TINAG: variants seen among roughly 807,000 people sequenced by gnomAD.
The protein encoded by TINAG is tubulointerstitial nephritis antigen.
TINAG carries 83 observed loss-of-function variants against 72.7 expected under a neutral mutation model. The ratio of observed to expected loss-of-function variants is 1.14; its 90% CI spans 0.96 to 1.37. The LOEUF (loss-of-function observed/expected upper bound fraction) is 1.37. TINAG is among the 40% of genes most tolerant of loss of function. The pLI, the probability that TINAG is intolerant of heterozygous loss-of-function variation, is 0.00. For missense variants in TINAG, 685 were observed against 576.6 expected (o/e 1.19, Z -1.93); for synonymous variants, 234 against 189.9 (o/e 1.23, Z -1.91).
chr6:54,315,701 T>A (rs374123286), intron 1 of TINAG, among the ~76,000 whole-genome samples: 1 of 135,144 alleles, frequency 7.4e-6, no homozygotes, highest in African/African-American at 2.7e-5. Flanking sequence ...AGTAAAAAAA[T>A]TCAAATGTCA....
rs765143339 is a variant in TINAG, at chr6:54,347,421, T to A, written c.803T>A (p.Leu268Gln). 1 of 1,613,326 alleles carries A rather than the reference T, an allele frequency of 6.2e-7. No individual in the cohort carries two copies. The highest frequency in any genetic ancestry group is 8.5e-7 in the Non-Finnish European group (1 of 1,179,586). Residue 268 changes from leucine (L) to glutamine (Q), a missense_variant, in exon 6 of 11, where the codon CTA becomes CAA. Leu to Gln is a moderately radical substitution (Grantham distance 113, BLOSUM62 -2). Transcript: ENST00000259782. ...TCTAAGGGTCGATACACGGCCAATC[T>A]ATCCCCTCAGAATTTGATCTCTTGC... is the stretch of plus-strand genomic sequence containing the variant. ...IQSKGRYTAN[L>Q]SPQNLISCCA...
At chr6:54,318,785 C>A (rs764485701) in intron 1 of TINAG, among the ~76,000 whole-genome samples, 1 of 152,024 alleles carries the variant, frequency 6.6e-6, no homozygotes, top group Non-Finnish European at 1.5e-5. Context: ...GAGTGGACTG[C>A]GTCTGGGTAT....
At chr6:54,349,244 A>C (rs1035275335) in intron 6 of TINAG, among the ~76,000 whole-genome samples, 5 of 151,942 alleles carry the variant, frequency 3.3e-5, no homozygotes, top group Non-Finnish European at 7.4e-5. Context: ...AAAAATATAC[A>C]AACACAAAAA....
intron 9 of TINAG, among the ~76,000 whole-genome samples, chr6:54,380,226 A>G (rs1369572734): frequency 6.6e-6 from 1 of 150,920 alleles, no homozygotes; most frequent in South Asian, 2.1e-4. Context: ...AGTATTTTTT[A>G]AGTCCTTTTA....
chr6:54,386,617 C>G (rs992013329), intron 10 of TINAG, among the ~76,000 whole-genome samples: 51 of 151,882 alleles, frequency 3.4e-4, no homozygotes, highest in African/African-American at 1.2e-3. Flanking sequence ...TTAGGAAAAA[C>G]AAAATTTCTG....
chr6:54,379,781 C>CT (rs966072367), intron 9 of TINAG, among the ~76,000 whole-genome samples: 7 of 150,082 alleles, frequency 4.7e-5, no homozygotes, highest in South Asian at 2.1e-4. Context: ...TTTTATTTTT[C>CT]TTTTTTTTTA....
In TINAG at chr6:54,349,873, CCT is replaced by C. The variant is rs766072601; in HGVS notation, c.1059_1060del (p.Pro354IlefsTer9). 5.0e-6 allele frequency: 8 copies of C among 1,598,646 alleles called. No homozygotes were observed. Among genetic ancestry groups the C allele is most frequent in the Non-Finnish European group, 6.8e-6 (8 of 1,170,892 alleles). On this transcript the variant is annotated frameshift_variant, in exon 7 of 11. Transcript: ENST00000259782. LOFTEE classifies it high-confidence loss of function. ...EKSNRIYQCSPPYRVSSNETE... is the reference protein window; with the variant it reads ...EKSNRIYQCSXPYRVSSNETE... ...ATCTAACAGGATCTATCAATGTTCT[CCT>C]CCATACAGAGTCTCTTCCAACGTAA...
chr6:54,383,500 A>G (rs951911299), intron 10 of TINAG, among the ~76,000 whole-genome samples: 1 of 152,060 alleles, frequency 6.6e-6, no homozygotes. Flanking sequence ...AAAAAATGAG[A>G]GTGCTAAATC....
chr6:54,354,176 G>T (rs1163635342), intron 8 of TINAG, among the ~76,000 whole-genome samples: 2 of 151,882 alleles, frequency 1.3e-5, no homozygotes, highest in Admixed American at 6.6e-5. Flanking sequence ...AAAGCACAAG[G>T]TTAGTGGAGA....
At position 54,382,648 on chromosome 6, in the gene TINAG, G is replaced by A. The variant is rs563845698; in HGVS notation, c.1296+2077G>A. Among the ~76,000 whole-genome samples the A allele has an allele frequency of 9.2e-5, 14 of 152,168 alleles. No individual in the cohort carries two copies. The South Asian group carries it at 2.9e-3, about 32-fold the overall frequency. On this transcript the variant is annotated intron_variant, in intron 10 of 10. Transcript: ENST00000259782. ...ACAACACCTGGGTCAGAAGTAAGGAGTTCTTAACAGATACTCATAAATAGA... is the reference window on the plus strand; with the variant it reads ...ACAACACCTGGGTCAGAAGTAAGGAATTCTTAACAGATACTCATAAATAGA...
chr6:54,324,498 G>T (rs1784561736), intron 3 of TINAG, among the ~76,000 whole-genome samples: 1 of 152,196 alleles, frequency 6.6e-6, no homozygotes, highest in Admixed American at 6.5e-5. Flanking sequence ...ATTGGGTAAA[G>T]CAAGTTACTA....
At chr6:54,347,555 T>A (rs1785155750) in intron 6 of TINAG, 38 bp downstream of exon 6, 2 of 1,606,246 alleles carry the variant, frequency 1.2e-6, no homozygotes, top group Non-Finnish European at 1.7e-6. Context: ...AGGATTTTTA[T>A]GAATGATGCA....
At chr6:54,352,133 T>C (rs1464068468) in intron 8 of TINAG, among the ~76,000 whole-genome samples, 4 of 151,842 alleles carry the variant, frequency 2.6e-5, no homozygotes, top group African/African-American at 9.7e-5. Context: ...CAATGAGGTC[T>C]AAAATGAAAA....
Position 54,332,184 on chromosome 6 carries a change from A to T in TINAG, c.624+5268A>T, listed in dbSNP as rs142420462. ...AGACAATCCTAAGCCAAAAGAACAAAGATGGAGGCATCATGCTACCTGACT... is the reference window on the plus strand; with the variant it reads ...AGACAATCCTAAGCCAAAAGAACAATGATGGAGGCATCATGCTACCTGACT... On this transcript the variant is annotated intron_variant, in intron 4 of 10. Coordinates refer to ENST00000259782, the MANE Select transcript of TINAG (RefSeq NM_014464.4). Among the ~76,000 whole-genome samples, 379 of 152,292 alleles carry T rather than the reference A, an allele frequency of 2.5e-3. 4 individuals are homozygous for T. The highest frequency in any genetic ancestry group is 8.7e-3 in the African/African-American group (361 of 41,566).
intron 3 of TINAG, among the ~76,000 whole-genome samples, chr6:54,322,497 A>G (rs1430987449): frequency 6.6e-6 from 1 of 152,224 alleles, no homozygotes; most frequent in Non-Finnish European, 1.5e-5. Flanking sequence ...CATTTCTGGA[A>G]AAGATTTCAC....
At chr6:54,358,641 C>T (rs545239863) in intron 9 of TINAG, among the ~76,000 whole-genome samples, 2 of 151,788 alleles carry the variant, frequency 1.3e-5, no homozygotes, top group South Asian at 2.1e-4. Context: ...TCAGATCAAC[C>T]TTTGCTGTTA....
At position 54,308,721 on chromosome 6, in the gene TINAG, T is replaced by C. The variant is rs982178751; in HGVS notation, c.171T>C (p.Cys57=). The C allele has an allele frequency of 6.2e-7, 1 of 1,613,908 alleles. No homozygotes were observed. The highest frequency in any genetic ancestry group is 1.7e-5 in the Admixed American group (1 of 59,952). The change falls in exon 1 of 11, where the codon TGT becomes TGC. Residue 57 remains cysteine (C), a synonymous_variant. Coordinates refer to ENST00000259782, the MANE Select transcript of TINAG (RefSeq NM_014464.4). ...FKRAIFQGQY[C]RNFGCCEDRD... Reference sequence around the variant, plus strand: ...GAGCCATTTTCCAAGGGCAATACTGTAGAAATTTTGGCTGTTGTGAAGACA... The same window carrying C: ...GAGCCATTTTCCAAGGGCAATACTGCAGAAATTTTGGCTGTTGTGAAGACA...
chr6:54,372,416 A>G (rs1763647084), intron 9 of TINAG, among the ~76,000 whole-genome samples: 1 of 152,106 alleles, frequency 6.6e-6, no homozygotes, highest in Non-Finnish European at 1.5e-5. Context: ...ATTTTATTTT[A>G]TAATTGAATA....
intron 9 of TINAG, among the ~76,000 whole-genome samples, chr6:54,360,390 A>G (rs1362649693): frequency 6.6e-6 from 1 of 151,726 alleles, no homozygotes; most frequent in Admixed American, 6.6e-5. Flanking sequence ...TTAAACTAAG[A>G]AACTCCATCG....
Sources: allele counts gnomAD v4.1 joint callset (sites outside exome capture counted in the v4.1 genomes callset), GRCh38; gene constraint gnomAD v4.1.1; transcripts MANE v1.5; gene names NCBI Gene and HGNC (gene_info 2026-07-23, HGNC 2026-07-21).